Variants in ROBO2 observed in about 807,000 individuals in gnomAD.
ROBO2 encodes the protein roundabout homolog 2.
ROBO2 carries 53 observed loss-of-function variants against 160.8 expected under a neutral mutation model. The ratio of observed to expected loss-of-function variants is 0.33; its 90% confidence interval spans 0.26 to 0.41. The LOEUF is 0.41. Ranked by LOEUF, ROBO2 falls within the 10% of genes least tolerant of loss-of-function variation. The pLI is 1.00. For synonymous variants in ROBO2, 664 were observed against 611.7 expected, an observed-to-expected ratio of 1.09 and a Z score of -1.26; for missense variants, 1,577 against 1,722.4, an observed-to-expected ratio of 0.92 and a Z score of 1.49.
chr3:77,589,735 T>A (rs550850963), intron 17 of ROBO2, among the ~76,000 whole-genome samples: 1 of 152,254 alleles, frequency 6.6e-6, no homozygotes, highest in East Asian at 1.9e-4. Flanking sequence ...ATGAACTCAA[T>A]ACTGAAGCAA....
intron 2 of ROBO2, among the ~76,000 whole-genome samples, chr3:77,112,992 G>T (rs946892514): frequency 2.6e-5 from 4 of 152,154 alleles, no homozygotes; most frequent in South Asian, 2.1e-4. Flanking sequence ...ATAATTCTCA[G>T]CACTTTCCTA....
At chr3:77,277,184 C>CTTTCTTTCTTTCTTTCTTTT (rs2059918241) in intron 2 of ROBO2, among the ~76,000 whole-genome samples, 1 of 114,070 alleles carries the variant, frequency 8.8e-6, no homozygotes, top group Admixed American at 8.9e-5. Context: ...TTCTTTCTTT[C>CTTTCTTTCTTTCTTTCTTTT]TTTCTTTCTT....
At chr3:77,591,832 T>G (rs2094187761) in intron 17 of ROBO2, among the ~76,000 whole-genome samples, 1 of 152,176 alleles carries the variant, frequency 6.6e-6, no homozygotes, top group East Asian at 1.9e-4. Flanking sequence ...TTATTTGAAA[T>G]GAGAACTACC....
At chr3:76,825,814 T>C (rs2066535918) in intron 2 of ROBO2, among the ~76,000 whole-genome samples, 1 of 151,934 alleles carries the variant, frequency 6.6e-6, no homozygotes, top group Non-Finnish European at 1.5e-5. Flanking sequence ...CACACGCATA[T>C]GGACATCCCC....
At chr3:76,764,970 G>T (rs2108427152) in intron 2 of ROBO2, among the ~76,000 whole-genome samples, 1 of 151,724 alleles carries the variant, frequency 6.6e-6, no homozygotes, top group East Asian at 2.0e-4. Context: ...CATATATTGT[G>T]TGGTGGTGAA....
chr3:77,103,885 G>C (rs927039523), intron 2 of ROBO2, among the ~76,000 whole-genome samples: 3 of 152,148 alleles, frequency 2.0e-5, no homozygotes, highest in African/African-American at 7.2e-5. Flanking sequence ...AAGGTAAAGA[G>C]CTTCCTTGAT....
chr3:75,935,539 T>C (rs139062227), intron 1 of ROBO2, among the ~76,000 whole-genome samples: 1 of 152,090 alleles, frequency 6.6e-6, no homozygotes, highest in Non-Finnish European at 1.5e-5. Flanking sequence ...ACACTTGTAA[T>C]TCCAAATCCA....
At chr3:77,631,059 A>G (rs994299826) in intron 23 of ROBO2, 5 of 151,404 alleles carry the variant, frequency 3.3e-5, no homozygotes, top group Admixed American at 1.3e-4. Flanking sequence ...TAACCCAGAA[A>G]TGATTCTCTC....
At chr3:76,536,105 T>C (rs181156193) in intron 2 of ROBO2, among the ~76,000 whole-genome samples, 7 of 152,240 alleles carry the variant, frequency 4.6e-5, no homozygotes, top group Admixed American at 1.3e-4. Context: ...TTTTGTGGCA[T>C]TTGAGGCAAG....
intron 2 of ROBO2, among the ~76,000 whole-genome samples, chr3:76,674,598 T>TCACACACACACACA (rs71104613): frequency 0.04 from 5,877 of 148,070 alleles, 129 homozygotes; most frequent in South Asian, 0.058. Flanking sequence ...ACCTCCTAGT[T>TCACACACACACACA]CACACACACA....
exon 6 of ROBO2, chr3:77,522,853 T>C: frequency 1.2e-6 from 2 of 1,609,836 alleles, no homozygotes; most frequent in Non-Finnish European, 1.7e-6. Flanking sequence ...TGTGTATTGC[T>C]GAGAATCGGG....
At chr3:75,995,791 G>A (rs2065711086) in intron 2 of ROBO2, among the ~76,000 whole-genome samples, 1 of 152,338 alleles carries the variant, frequency 6.6e-6, no homozygotes, top group East Asian at 1.9e-4. Context: ...TGCCAAGGCT[G>A]TGGAAGCCCA....
chr3:75,940,327 C>T (rs112166181), intron 2 of ROBO2, among the ~76,000 whole-genome samples: 1,977 of 152,214 alleles, frequency 0.013, 40 homozygotes, highest in African/African-American at 0.044. Context: ...AATCTGAATT[C>T]TAAATAAGAA....
intron 2 of ROBO2, among the ~76,000 whole-genome samples, chr3:76,802,526 A>C (rs2108868451): frequency 6.6e-6 from 1 of 152,106 alleles, no homozygotes; most frequent in East Asian, 1.9e-4. Flanking sequence ...CAGGAGATTG[A>C]GACCATCCTG....
chr3:77,318,654 C>T (rs2064326234), intron 2 of ROBO2, among the ~76,000 whole-genome samples: 1 of 152,094 alleles, frequency 6.6e-6, no homozygotes, highest in African/African-American at 2.4e-5. Context: ...TTACTTAAAC[C>T]TCGATGTTCT....
At chr3:77,546,930 C>T (rs1341024016) in intron 7 of ROBO2, among the ~76,000 whole-genome samples, 4 of 151,962 alleles carry the variant, frequency 2.6e-5, no homozygotes, top group Non-Finnish European at 4.4e-5. Flanking sequence ...CTTTTCTTAC[C>T]CTTAATTAAA....
At chr3:77,044,290 GATAC>G (rs892122304) in intron 1 of ROBO2, among the ~76,000 whole-genome samples, 1 of 152,126 alleles carries the variant, frequency 6.6e-6, no homozygotes, top group African/African-American at 2.4e-5. Flanking sequence ...TATAAGTTGG[GATAC>G]ATACATAGCA....
At chr3:76,224,388 G>A (rs1361938486) in intron 2 of ROBO2, among the ~76,000 whole-genome samples, 1 of 152,166 alleles carries the variant, frequency 6.6e-6, no homozygotes, top group African/African-American at 2.4e-5. Context: ...AAGTCTCCAA[G>A]AACTGGTAAC....
chr3:76,220,764 C>T (rs1559655836), intron 2 of ROBO2, among the ~76,000 whole-genome samples: 1 of 152,158 alleles, frequency 6.6e-6, no homozygotes, highest in Admixed American at 6.5e-5. Context: ...CACACACACA[C>T]ACAGACATGT....
Sources: gnomAD v4.1 joint callset for allele counts (sites outside exome capture counted in the v4.1 genomes callset) on GRCh38, gnomAD v4.1.1 for gene constraint, MANE v1.5 for transcripts, NCBI Gene and HGNC (gene_info 2026-07-23, HGNC 2026-07-21) for gene names.